Variants in UBE2E2 observed in about 807,000 individuals in gnomAD.
UBE2E2 encodes the protein ubiquitin-conjugating enzyme E2 E2.
In UBE2E2, 6 loss-of-function variants were observed where a neutral mutation model predicts 24.7. The ratio of observed to expected loss-of-function variants is 0.24; its 90% CI spans 0.13 to 0.48. UBE2E2 has a LOEUF of 0.48. Among genes scored for constraint, UBE2E2 ranks in the 20% least tolerant of loss-of-function variants. The probability of loss-of-function intolerance (pLI) is 0.99; values close to 1 mark genes in which losing one functional copy is unlikely to be tolerated. For missense variants in UBE2E2, 169 were observed against 245.0 expected, an observed-to-expected ratio of 0.69 and a Z score of 2.07; for synonymous variants, 104 against 83.6, an observed-to-expected ratio of 1.24 and a Z score of -1.33.
intron 3 of UBE2E2, among the ~76,000 whole-genome samples, chr3:23,493,482 C>G (rs1460741573): frequency 6.6e-6 from 1 of 152,104 alleles, no homozygotes; most frequent in Non-Finnish European, 1.5e-5. Flanking sequence ...AGATTTACCT[C>G]ATTGTGTTTT....
chr3:23,300,955 C>A, intron 3 of UBE2E2, among the ~76,000 whole-genome samples: 1 of 152,122 alleles, frequency 6.6e-6, no homozygotes, highest in Non-Finnish European at 1.5e-5. Flanking sequence ...TCACATAGTC[C>A]CATATTTCTT....
At chr3:23,356,578 C>G (rs1443772591) in intron 3 of UBE2E2, among the ~76,000 whole-genome samples, 1 of 152,150 alleles carries the variant, frequency 6.6e-6, no homozygotes, top group Admixed American at 6.5e-5. Context: ...CAAGTGCATT[C>G]CTTGACTCAA....
chr3:23,526,048 C>T (rs1694989307), intron 4 of UBE2E2, among the ~76,000 whole-genome samples: 1 of 152,140 alleles, frequency 6.6e-6, no homozygotes. Context: ...GAAAAGAATG[C>T]TGGCTGCTTC....
chr3:23,210,876 A>T (rs1028822869), intron 2 of UBE2E2, among the ~76,000 whole-genome samples: 5 of 152,230 alleles, frequency 3.3e-5, no homozygotes, highest in Non-Finnish European at 7.3e-5. Flanking sequence ...ACAGTGTATG[A>T]AATGATGTAA....
intron 3 of UBE2E2, among the ~76,000 whole-genome samples, chr3:23,289,238 G>A (rs1161576024): frequency 6.6e-6 from 1 of 152,192 alleles, no homozygotes; most frequent in Non-Finnish European, 1.5e-5. Context: ...CGGCTAAAGT[G>A]GAAACGTGGT....
chr3:23,204,684 C>G (rs775749468), intron 1 of UBE2E2: 258 of 985,110 alleles, frequency 2.6e-4, no homozygotes, highest in Non-Finnish European at 2.9e-4. Context: ...CTTTCCCCTG[C>G]AGCACCTTTT....
intron 3 of UBE2E2, among the ~76,000 whole-genome samples, chr3:23,256,989 C>G (rs139301568): frequency 3.9e-5 from 6 of 152,318 alleles, no homozygotes; most frequent in South Asian, 2.1e-4. Flanking sequence ...TTATTTAGGT[C>G]GTGTGAACCA....
chr3:23,486,668 A>G (rs1699379584), intron 3 of UBE2E2, among the ~76,000 whole-genome samples: 1 of 152,142 alleles, frequency 6.6e-6, no homozygotes, highest in Non-Finnish European at 1.5e-5. Flanking sequence ...GAGAAGCTTT[A>G]TTGAGTGACA....
chr3:23,209,356 C>T lies in UBE2E2; in HGVS notation c.176+481C>T, dbSNP rs1203427125. Reference sequence around the variant, plus strand: ...TCATTACATTAGTCAGTGGATCCATCTTGATACGGATTTTCTCTTTCTCTA... The same window carrying T: ...TCATTACATTAGTCAGTGGATCCATTTTGATACGGATTTTCTCTTTCTCTA... On this transcript the variant is annotated intron_variant, in intron 2 of 5. Coordinates refer to ENST00000396703, the MANE Select transcript of UBE2E2 (RefSeq NM_152653.4). 2.0e-5 allele frequency among the ~76,000 whole-genome samples: 3 copies of T among 152,264 alleles called. No individual in the cohort carries two copies. In the East Asian group the frequency reaches 5.8e-4, roughly 29 times the overall value.
At position 23,335,922 on chromosome 3, in the gene UBE2E2, A is replaced by C. The variant is rs116675617; in HGVS notation, c.227+118610A>C. Among the ~76,000 whole-genome samples, 569 of 152,306 alleles carry C rather than the reference A, an allele frequency of 3.7e-3. 4 individuals carry two copies. The highest frequency in any genetic ancestry group is 0.013 in the African/African-American group (521 of 41,558). Reference sequence around the variant, plus strand: ...ACAGTTTGACTTAGCTCTTTGCTCAAAAATACTGATAACATAATAAGTAGG... The same window carrying C: ...ACAGTTTGACTTAGCTCTTTGCTCACAAATACTGATAACATAATAAGTAGG... On this transcript the variant is annotated intron_variant, in intron 3 of 5. Transcript: ENST00000396703.
rs117591468 is a variant in UBE2E2 at position 23,540,137 on chromosome 3, C to T, written c.508+7436C>T. The stretch of plus-strand genomic sequence containing the variant: ...GGAGGGCAGTGGTGTCGTCATAGCT[C>T]TCTGCAGCTTCGAACTCCTGCACTC... On this transcript the variant is annotated intron_variant, in intron 5 of 5. Transcript: ENST00000396703. Among the ~76,000 whole-genome samples the T allele has an allele frequency of 6.6e-4, 100 of 152,214 alleles. 3 individuals are homozygous for T. The East Asian group carries it at 0.015, about 23-fold the overall frequency.
At chr3:23,567,170 A>C (rs77228996) in intron 5 of UBE2E2, among the ~76,000 whole-genome samples, 2,296 of 152,322 alleles carry the variant, frequency 0.015, 44 homozygotes, top group African/African-American at 0.052. Context: ...ATGGAAAACA[A>C]GGTTCACAAT....
chr3:23,435,825 C>T (rs1575627387), intron 3 of UBE2E2, among the ~76,000 whole-genome samples: 5 of 152,096 alleles, frequency 3.3e-5, no homozygotes, highest in African/African-American at 9.7e-5. Context: ...GAGAGGGGAA[C>T]GTATGGGTTA....
intron 3 of UBE2E2, among the ~76,000 whole-genome samples, chr3:23,249,444 A>G (rs1466321808): frequency 6.6e-6 from 1 of 152,160 alleles, no homozygotes; most frequent in South Asian, 2.1e-4. Context: ...CTCTTTAAGC[A>G]ATTTTCATTA....
intron 3 of UBE2E2, among the ~76,000 whole-genome samples, chr3:23,275,790 A>T (rs1377331891): frequency 2.6e-5 from 4 of 152,164 alleles, no homozygotes; most frequent in Non-Finnish European, 5.9e-5. Context: ...CTTAGAAGTC[A>T]GAGAACACCC....
chr3:23,502,857 A>C (rs1018845530), intron 4 of UBE2E2, among the ~76,000 whole-genome samples: 1 of 152,186 alleles, frequency 6.6e-6, no homozygotes, highest in Non-Finnish European at 1.5e-5. Context: ...TTACTATTTC[A>C]AAGTAGGTAA....
intron 3 of UBE2E2, among the ~76,000 whole-genome samples, chr3:23,494,022 C>G (rs557325549): frequency 6.6e-6 from 1 of 152,290 alleles, no homozygotes; most frequent in East Asian, 1.9e-4. Flanking sequence ...AGAAAAATTA[C>G]ACATTTACCC....
intron 3 of UBE2E2, among the ~76,000 whole-genome samples, chr3:23,369,561 A>G (rs940820061): frequency 1.3e-5 from 2 of 152,254 alleles, no homozygotes; most frequent in East Asian, 1.9e-4. Flanking sequence ...TTTCTCACTC[A>G]GCATGTTTCA....
Position 23,474,476 on chromosome 3 carries a change from CTAA to C in UBE2E2, c.228-25127_228-25125del, listed in dbSNP as rs1699087016. Among the ~76,000 whole-genome samples, 1 of 152,034 alleles carries C rather than the reference CTAA, an allele frequency of 6.6e-6. No individual in the cohort carries two copies. Among genetic ancestry groups the C allele is most frequent in the East Asian group, 1.9e-4 (1 of 5,198 alleles). ...CACAAATACACGTTATTGTACATTT[CTAA>C]TAATCTATCACAAAAAAATCATAGA... On this transcript the variant is annotated intron_variant, in intron 3 of 5. Transcript: ENST00000396703. This position sits in a 1 kb window ranked among gnomAD's most constrained non-coding sequence, Gnocchi z 4.0.
Sources: gnomAD v4.1 joint callset for allele counts (sites outside exome capture counted in the v4.1 genomes callset) on GRCh38, gnomAD v4.1.1 for gene constraint, Gnocchi (gnomAD v3.1) non-coding constraint, MANE v1.5 for transcripts, NCBI Gene and HGNC (gene_info 2026-07-23, HGNC 2026-07-21) for gene names.